Variants in NEBL observed in about 807,000 individuals in gnomAD.
NEBL encodes LIM and SH3 protein 2.
Under a neutral mutation model 140.2 loss-of-function variants are expected in NEBL, and 122 were observed. The ratio of observed to expected loss-of-function variants is 0.87; its 90% CI spans 0.75 to 1.01. NEBL has a LOEUF of 1.01. NEBL is among the 50% of genes least tolerant of loss of function. The pLI is 0.00. For synonymous variants in NEBL, 436 were observed against 398.9 expected, an observed-to-expected ratio of 1.09 and a Z score of -1.11; for missense variants, 1,365 against 1,231.3, an observed-to-expected ratio of 1.11 and a Z score of -1.62.
intron 14 of NEBL, among the ~76,000 whole-genome samples, chr10:20,834,112 T>C (rs976152951): frequency 2.0e-5 from 3 of 152,132 alleles, no homozygotes; most frequent in African/African-American, 7.2e-5. Flanking sequence ...ACAGAACACT[T>C]AATTTTTCTA....
At position 21,034,577 on chromosome 10, in the gene NEBL, C is replaced by T. The variant is rs555235667; in HGVS notation, c.165-14376G>A. 6.6e-5 allele frequency among the ~76,000 whole-genome samples: 10 copies of T among 152,318 alleles called. No individual in the cohort carries two copies. In the South Asian group the frequency reaches 2.1e-3, roughly 32 times the overall value. On this transcript the variant is annotated intron_variant, in intron 2 of 6. Coordinates refer to the NEBL transcript ENST00000417816. ...ATCAGTTATTTCCTAACTTGTATGA[C>T]TACAAAAGCAATTTCAACAGACTAA... is the stretch of plus-strand genomic sequence containing the variant.
At chr10:21,158,914 T>C (rs1330143434) in intron 2 of NEBL, among the ~76,000 whole-genome samples, 2 of 152,220 alleles carry the variant, frequency 1.3e-5, no homozygotes, top group African/African-American at 2.4e-5. Flanking sequence ...AGGGTTCCAC[T>C]TTTTTCTTAG....
chr10:20,922,035 G>A (rs1833613304), intron 4 of NEBL, among the ~76,000 whole-genome samples: 1 of 152,176 alleles, frequency 6.6e-6, no homozygotes, highest in Non-Finnish European at 1.5e-5. Flanking sequence ...TCCTAAGTAG[G>A]CTCCTAAAAT....
rs1837818578 is a variant in NEBL, at chr10:20,808,497, G to C, written c.2761+13C>G. On this transcript the variant is annotated intron_variant, in intron 26 of 27. Coordinates refer to ENST00000377122, the MANE Select transcript of NEBL (RefSeq NM_006393.3). ...TGAATCGATTTTCTTTGTAAGCAGT[G>C]AATGTTTGATACCTCCTTCATCAGA... is the stretch of plus-strand genomic sequence containing the variant. 6.2e-7 allele frequency: 1 copy of C among 1,613,482 alleles called. No individual in the cohort carries two copies.
chr10:21,206,875 C>T (rs2132231864), intron 3 of NEBL, among the ~76,000 whole-genome samples: 1 of 150,178 alleles, frequency 6.7e-6, no homozygotes, highest in East Asian at 2.0e-4. Flanking sequence ...CAGAAAAAAA[C>T]ATAACTAAGT....
chr10:20,866,804 TA>T (rs1564400814), intron 7 of NEBL, among the ~76,000 whole-genome samples: 1 of 152,226 alleles, frequency 6.6e-6, no homozygotes, highest in Non-Finnish European at 1.5e-5. Flanking sequence ...CCCTTTCTAC[TA>T]ATAAATTTGG....
intron 2 of NEBL, among the ~76,000 whole-genome samples, chr10:21,153,750 G>A (rs891691192): frequency 4.6e-5 from 7 of 151,968 alleles, no homozygotes; most frequent in Non-Finnish European, 7.4e-5. Context: ...TCCTGACCTC[G>A]TGATCCTCCC....
chr10:21,216,444 C>T (rs111631915), intron 3 of NEBL, among the ~76,000 whole-genome samples: 3 of 151,862 alleles, frequency 2.0e-5, no homozygotes, highest in Non-Finnish European at 4.4e-5. Context: ...TCACGAGGTC[C>T]GGAGTTCAAG....
At chr10:21,240,907 T>TACAC (rs61704937) in intron 3 of NEBL, among the ~76,000 whole-genome samples, 14,466 of 137,210 alleles carry the variant, frequency 0.11, 938 homozygotes, top group African/African-American at 0.2. Flanking sequence ...CACGCACACA[T>TACAC]ACACACACAC....
At chr10:21,191,414 T>G (rs761741105) in intron 3 of NEBL, among the ~76,000 whole-genome samples, 1 of 152,230 alleles carries the variant, frequency 6.6e-6, no homozygotes, top group Non-Finnish European at 1.5e-5. Flanking sequence ...CCAGACCATC[T>G]GGCTTTGGAG....
At chr10:20,922,075 A>G (rs1297217934) in intron 4 of NEBL, among the ~76,000 whole-genome samples, 2 of 152,220 alleles carry the variant, frequency 1.3e-5, no homozygotes, top group Non-Finnish European at 2.9e-5. Flanking sequence ...TATGCCTCCA[A>G]AACAATTGTA....
At chr10:20,841,745 G>A (rs949488741) in intron 12 of NEBL, among the ~76,000 whole-genome samples, 1 of 152,116 alleles carries the variant, frequency 6.6e-6, no homozygotes, top group African/African-American at 2.4e-5. Context: ...CAAAGATTGA[G>A]TTATTGTCCA....
chr10:21,100,649 A>G (rs953811791), intron 2 of NEBL, among the ~76,000 whole-genome samples: 1 of 152,172 alleles, frequency 6.6e-6, no homozygotes, highest in Non-Finnish European at 1.5e-5. Flanking sequence ...AATTTTCTCC[A>G]AAAGAAATAT....
At chr10:21,158,002 G>A (rs1840400578) in intron 2 of NEBL, among the ~76,000 whole-genome samples, 1 of 152,192 alleles carries the variant, frequency 6.6e-6, no homozygotes, top group African/African-American at 2.4e-5. Context: ...ACAGGCCCCA[G>A]AAGAAACCAA....
Position 20,858,244 on chromosome 10 carries a change from C to G in NEBL, c.899G>C (p.Ser300Thr). ...DHVLKASKML[S>T]GREYKKLFEE... ...GCCGCTAGATGAACCACTTACGCCG[C>G]TGAGCATTTTGCTGGCTTTCAAAAC... is the stretch of plus-strand genomic sequence containing the variant. Residue 300 changes from serine to threonine, a missense_variant, in exon 9 of 28, where the codon AGC (serine) becomes ACC (threonine). Physicochemically the swap from Ser to Thr is moderately conservative, Grantham distance 58. Transcript: ENST00000377122. The G allele has an allele frequency of 6.3e-7, 1 of 1,599,918 alleles. No individual in the cohort carries two copies. Among genetic ancestry groups the G allele is most frequent in the Non-Finnish European group, 8.6e-7 (1 of 1,167,112 alleles).
chr10:21,135,189 T>G (rs1020392689), intron 2 of NEBL, among the ~76,000 whole-genome samples: 1 of 152,192 alleles, frequency 6.6e-6, no homozygotes, highest in African/African-American at 2.4e-5. Flanking sequence ...GGGACATTCC[T>G]CATTCAAGAA....
chr10:20,868,052 T>TAAAAAAA (rs11392907), intron 7 of NEBL: 4 of 138,654 alleles, frequency 2.9e-5, no homozygotes, highest in Admixed American at 1.4e-4. Context: ...TTATCTATAT[T>TAAAAAAA]AAAAAAAAAA....
intron 1 of NEBL, among the ~76,000 whole-genome samples, chr10:21,258,562 G>A (rs989340998): frequency 5.3e-5 from 8 of 151,922 alleles, no homozygotes; most frequent in South Asian, 4.2e-4. Context: ...AAAATTAGCC[G>A]GGTGTGGTGG....
At position 20,817,824 on chromosome 10, in the gene NEBL, G is replaced by A. The variant is rs545868951; in HGVS notation, c.2056-132C>T. 28 of 758,378 alleles carry A rather than the reference G, an allele frequency of 3.7e-5. 1 individual carries two copies. Among genetic ancestry groups the A allele is most frequent in the Middle Eastern group, 4.6e-4 (2 of 4,364 alleles). The allele number at this position is 758,378 out of a possible 1,614,324, so 47.0% of individuals were successfully genotyped here. A position where few individuals can be genotyped will look rare whatever the true frequency, so the allele number is the denominator to read the frequency against. On this transcript the variant is annotated intron_variant, in intron 20 of 27. Transcript: ENST00000377122. The stretch of plus-strand genomic sequence containing the variant: ...CACAGTTGATTACATCAACCTTCAC[G>A]CTTACATATACGCCCACATTCCGAT...
Sources: allele counts gnomAD v4.1 joint callset (sites outside exome capture counted in the v4.1 genomes callset), GRCh38; gene constraint gnomAD v4.1.1; transcripts MANE v1.5; gene names NCBI Gene and HGNC (gene_info 2026-07-23, HGNC 2026-07-21).